PRKAR1A: variants seen among roughly 807,000 people sequenced by gnomAD.
The protein encoded by PRKAR1A is protein kinase cAMP-dependent type I regulatory subunit alpha.
In PRKAR1A, 3 loss-of-function variants were observed where a neutral mutation model predicts 52.0. The ratio of observed to expected loss-of-function variants is 0.06; its 90% confidence interval spans 0.03 to 0.15. PRKAR1A has a LOEUF of 0.15. Ranked by LOEUF, PRKAR1A falls within the 10% of genes least tolerant of loss-of-function variation. The pLI is 1.00. For missense variants in PRKAR1A, 240 were observed against 477.4 expected (o/e 0.50, Z 4.63); for synonymous variants, 188 against 168.4 (o/e 1.12, Z -0.90).
chr17:68,421,677 C>G, the PRKAR1A span: 2 of 1,561,094 alleles, frequency 1.3e-6, no homozygotes. Flanking sequence ...GCCCCCCTTT[C>G]TGCTCACACA....
At chr17:68,548,979 G>T (rs374260211) in intron 11 of PRKAR1A, among the ~76,000 whole-genome samples, 4 of 151,792 alleles carry the variant, frequency 2.6e-5, no homozygotes, top group African/African-American at 4.8e-5. Context: ...TGATCTGCCC[G>T]CCTCAGCCTC....
the PRKAR1A span, among the ~76,000 whole-genome samples, chr17:68,437,244 AG>A: frequency 3.5e-3 from 528 of 152,266 alleles, 6 homozygotes; most frequent in African/African-American, 0.012. Flanking sequence ...GGAGCTGCCA[AG>A]AACCTATTTA....
At chr17:68,534,446 G>A (rs1394116447), downstream of PRKAR1A, among the ~76,000 whole-genome samples, 2 of 152,138 alleles carry the variant, frequency 1.3e-5, no homozygotes, top group Non-Finnish European at 2.9e-5. Flanking sequence ...GACATGAGCT[G>A]GGAAGTGAAA....
the PRKAR1A span, among the ~76,000 whole-genome samples, chr17:68,425,342 T>C: frequency 6.6e-6 from 1 of 151,592 alleles, no homozygotes; most frequent in Non-Finnish European, 1.5e-5. Context: ...TAGCTGGGAC[T>C]ACAGGCACGT....
chr17:68,436,092 G>C, the PRKAR1A span, among the ~76,000 whole-genome samples: 1 of 152,258 alleles, frequency 6.6e-6, no homozygotes, highest in African/African-American at 2.4e-5. Flanking sequence ...ACTGTCTCAG[G>C]CTGTGGCATG....
At chr17:68,445,865 G>A in the PRKAR1A span, among the ~76,000 whole-genome samples, 2 of 152,172 alleles carry the variant, frequency 1.3e-5, no homozygotes, top group Non-Finnish European at 2.9e-5. Flanking sequence ...GTGTTTCTTA[G>A]ACCTGGATGC....
intron 11 of PRKAR1A, among the ~76,000 whole-genome samples, chr17:68,548,183 C>T (rs1384995959): frequency 1.3e-5 from 2 of 152,178 alleles, no homozygotes; most frequent in African/African-American, 2.4e-5. Context: ...CACTTGAGGC[C>T]AGGAGATCGA....
intron 11 of PRKAR1A, chr17:68,539,521 C>T (rs1310813120): frequency 1.8e-5 from 15 of 835,720 alleles, no homozygotes; most frequent in East Asian, 1.5e-4. Context: ...ATCATGGCAG[C>T]TGCCTCTCCA....
In PRKAR1A at chr17:68,515,316, T is replaced by C. The variant is rs1413326999; in HGVS notation, c.-6-78T>C. ...AAATCCCTGTGAATCAGTTGTCTAA[T>C]GAATTTAGCAAGTTAAATGCCAGAT... On this transcript the variant is annotated intron_variant, in intron 1 of 10. Coordinates refer to ENST00000589228, the MANE Select transcript of PRKAR1A (RefSeq NM_002734.5). 2.6e-6 allele frequency: 4 copies of C among 1,531,530 alleles called. No homozygotes were observed. The African/African-American group carries it at 5.5e-5, about 21-fold the overall frequency. 94.9% of individuals were successfully genotyped at this position (1,531,530 alleles called of 1,614,324 possible). A position where few individuals can be genotyped will look rare whatever the true frequency, so the allele number is the denominator to read the frequency against.
At chr17:68,453,229 A>G in the PRKAR1A span, among the ~76,000 whole-genome samples, 1 of 152,200 alleles carries the variant, frequency 6.6e-6, no homozygotes, top group Admixed American at 6.5e-5. Flanking sequence ...ATCAAGGGGC[A>G]TGAAACTGCA....
chr17:68,480,019 C>T, the PRKAR1A span, among the ~76,000 whole-genome samples: 278 of 152,318 alleles, frequency 1.8e-3, 1 homozygote, highest in African/African-American at 6.5e-3. Context: ...TTACCTCCCA[C>T]CAGGTCCCTC....
the PRKAR1A span, among the ~76,000 whole-genome samples, chr17:68,487,086 C>G: frequency 4.6e-5 from 7 of 152,194 alleles, no homozygotes; most frequent in African/African-American, 1.7e-4. Context: ...GTTAGCCAGG[C>G]TGGTCTCGAA....
chr17:68,435,501 T>C, the PRKAR1A span: 2 of 969,530 alleles, frequency 2.1e-6, no homozygotes, highest in South Asian at 2.8e-5. Flanking sequence ...AAACAAATTC[T>C]GAGTGGGCCC....
Position 68,531,036 on chromosome 17 carries a change from T to TTC in PRKAR1A, c.*587_*588insTC, listed in dbSNP as rs2085961241. On this transcript the variant is annotated 3_prime_UTR_variant, in exon 11 of 11. Transcript: ENST00000589228. ...ATATGATTGGTTCAGTTTTTTTTTT[T>TTC]CCAGAGTTGTTGTTTGCCAAGCTAA... 9.4e-7 allele frequency: 1 copy of TTC among 1,069,104 alleles called. No homozygotes were observed. The highest frequency in any genetic ancestry group is 1.6e-5 in the African/African-American group (1 of 61,072). The allele number at this position is 1,069,104 out of a possible 1,614,324, so 66.2% of individuals were successfully genotyped here. A position where few individuals can be genotyped will look rare whatever the true frequency, so the allele number is the denominator to read the frequency against.
the PRKAR1A span, chr17:68,422,165 C>A: frequency 9.1e-6 from 2 of 218,590 alleles, no homozygotes; most frequent in African/African-American, 2.3e-5. Context: ...CGGTGGCTCA[C>A]GCCTGTAATC....
the PRKAR1A span, chr17:68,457,342 G>A: frequency 1.9e-6 from 3 of 1,546,052 alleles, no homozygotes; most frequent in Non-Finnish European, 2.6e-6. Context: ...CGCAGCTTAC[G>A]TGCAGTCCTG....
chr17:68,415,569 T>G, the PRKAR1A span, among the ~76,000 whole-genome samples: 1 of 152,240 alleles, frequency 6.6e-6, no homozygotes, highest in Non-Finnish European at 1.5e-5. Context: ...ATCCATTGTT[T>G]CTTTGTTGAC....
At chr17:68,427,242 G>C in the PRKAR1A span, 3 of 1,613,822 alleles carry the variant, frequency 1.9e-6, no homozygotes, top group African/African-American at 4.0e-5. Flanking sequence ...TGTTGTTCCT[G>C]AGCCAAGCAA....
At chr17:68,488,872 C>T in the PRKAR1A span, among the ~76,000 whole-genome samples, 1 of 151,784 alleles carries the variant, frequency 6.6e-6, no homozygotes, top group African/African-American at 2.4e-5. Flanking sequence ...TGTCAGGCTC[C>T]CTGGTGGATA....
Sources: gnomAD v4.1 joint callset for allele counts (sites outside exome capture counted in the v4.1 genomes callset) on GRCh38, gnomAD v4.1.1 for gene constraint, MANE v1.5 for transcripts, NCBI Gene and HGNC (gene_info 2026-07-23, HGNC 2026-07-21) for gene names.